Variants in EPGN observed in about 807,000 individuals in gnomAD.
EPGN encodes the protein epigen.
EPGN carries 21 observed loss-of-function variants against 20.7 expected under a neutral mutation model. That is an observed-to-expected ratio of 1.01 (90% CI 0.72 to 1.46). The LOEUF is 1.46. Ranked by LOEUF, EPGN falls within the 40% of genes most tolerant of loss-of-function variation. The pLI is 0.00. For synonymous variants in EPGN, 69 were observed against 63.8 expected (o/e 1.08, Z -0.39); for missense variants, 199 against 180.7 (o/e 1.10, Z -0.58).
rs1416362375 is a variant in EPGN, at chr4:74,316,255, G to A, written c.*1618G>A. On this transcript the variant is annotated 3_prime_UTR_variant, in exon 5 of 5. Transcript: ENST00000413830. ...GTTTGTAAAATAATAATTTATTTTTGAAGGAAATATAAAATATTAAAGAGT... is the reference window on the plus strand; with the variant it reads ...GTTTGTAAAATAATAATTTATTTTTAAAGGAAATATAAAATATTAAAGAGT... 6.6e-6 allele frequency among the ~76,000 whole-genome samples: 1 copy of A among 152,042 alleles called. No individual in the cohort carries two copies. The highest frequency in any genetic ancestry group is 2.4e-5 in the African/African-American group (1 of 41,390).
chr4:74,311,095 T>G lies in EPGN; in HGVS notation c.134-1090T>G, dbSNP rs181802658. Among the ~76,000 whole-genome samples the G allele has an allele frequency of 2.0e-5, 3 of 152,322 alleles. No homozygotes were observed. The East Asian group carries it at 5.8e-4, about 29-fold the overall frequency. ...TCAATCTAGTATCTTAGAAAAATTT[T>G]TATAAAGTTATGATCATTCTCATTC... On this transcript the variant is annotated intron_variant, in intron 2 of 4. Coordinates refer to ENST00000413830, the MANE Select transcript of EPGN (RefSeq NM_001270989.2).
rs1751256814 is a variant in EPGN at position 74,316,040 on chromosome 4, T to C, written c.*1403T>C. ...AGTCATATGCAGGTCGCTTAATTTA[T>C]TTGTGCTTTTGTTTCATCTTCTACA... is the stretch of plus-strand genomic sequence containing the variant. On this transcript the variant is annotated 3_prime_UTR_variant, in exon 5 of 5. Coordinates refer to ENST00000413830, the MANE Select transcript of EPGN (RefSeq NM_001270989.2). Among the ~76,000 whole-genome samples, 1 of 152,128 alleles carries C rather than the reference T, an allele frequency of 6.6e-6. No homozygotes were observed. The highest frequency in any genetic ancestry group is 1.5e-5 in the Non-Finnish European group (1 of 68,036).
Position 74,314,619 on chromosome 4 carries a change from A to C in EPGN, c.447A>C (p.Gly149=). Residue 149 remains glycine (G), a synonymous_variant, in exon 5 of 5, where the codon GGA becomes GGC. Transcript: ENST00000413830. ...AATCGCCTTACAATGTCTGTTCTGG[A>C]GAAAGACGACCACTGTGAGGCCTTT... ...KLKSPYNVCS[G]ERRPL The C allele has an allele frequency of 1.3e-6, 2 of 1,536,040 alleles. No individual in the cohort carries two copies. The highest frequency in any genetic ancestry group is 1.7e-6 in the Non-Finnish European group (2 of 1,146,808).
chr4:74,309,895 C>T (rs1317503452), intron 2 of EPGN, among the ~76,000 whole-genome samples: 1 of 152,128 alleles, frequency 6.6e-6, no homozygotes, highest in African/African-American at 2.4e-5. Context: ...TATGTGAAGG[C>T]TGGCAATTTG....
intron 2 of EPGN, 69 bp downstream of exon 2, chr4:74,309,251 T>TA: frequency 1.6e-6 from 2 of 1,278,428 alleles, no homozygotes; most frequent in Non-Finnish European, 2.2e-6. Flanking sequence ...TGGATTGTGA[T>TA]AAAAGCAATA....
At position 74,315,901 on chromosome 4, in the gene EPGN, G is replaced by A. The variant is rs1286396029; in HGVS notation, c.*1264G>A. 6.7e-6 allele frequency among the ~76,000 whole-genome samples: 1 copy of A among 149,864 alleles called. No homozygotes were observed. On this transcript the variant is annotated 3_prime_UTR_variant, in exon 5 of 5. Coordinates refer to ENST00000413830, the MANE Select transcript of EPGN (RefSeq NM_001270989.2). ...CAGGAGGCAGAGGTTGTAGTGAGCCGAGATGGCAACCCTGCACTCCAACCT... is the reference window on the plus strand; with the variant it reads ...CAGGAGGCAGAGGTTGTAGTGAGCCAAGATGGCAACCCTGCACTCCAACCT...
intron 4 of EPGN, 181 bp downstream of exon 4, chr4:74,313,351 G>A (rs1365744863): frequency 2.2e-6 from 3 of 1,391,020 alleles, no homozygotes; most frequent in East Asian, 2.7e-5. Context: ...CCAGACGAGT[G>A]GTAAAAATTT....
intron 2 of EPGN, 144 bp downstream of exon 2, chr4:74,309,326 T>C (rs930444888): frequency 6.9e-5 from 41 of 591,804 alleles, no homozygotes; most frequent in South Asian, 1.3e-4. Flanking sequence ...TGCTGTTAAA[T>C]TGAAGTGACA....
intron 2 of EPGN, among the ~76,000 whole-genome samples, chr4:74,310,461 CAAAAAA>C (rs10586282): frequency 6.9e-5 from 3 of 43,190 alleles, no homozygotes; most frequent in South Asian, 8.1e-4. Context: ...GAGTCCGTCT[CAAAAAA>C]AAAAAAAAAA....
chr4:74,313,182 A>T lies in EPGN; in HGVS notation c.407+12A>T. On this transcript the variant is annotated intron_variant, in intron 4 of 4. Transcript: ENST00000413830. Reference sequence around the variant, plus strand: ...TATATAAGAAAGAGGTATGAAAAAGACAAAATATGAAGTCACTTCATATGC... The same window carrying T: ...TATATAAGAAAGAGGTATGAAAAAGTCAAAATATGAAGTCACTTCATATGC... 1 of 1,607,544 alleles carries T rather than the reference A, an allele frequency of 6.2e-7. No individual in the cohort carries two copies. The highest frequency in any genetic ancestry group is 8.5e-7 in the Non-Finnish European group (1 of 1,178,604).
Position 74,314,726 on chromosome 4 carries a change from A to G in EPGN, c.*89A>G, listed in dbSNP as rs960234137. On this transcript the variant is annotated 3_prime_UTR_variant, in exon 5 of 5. Transcript: ENST00000413830. ...TCAGATGAAACAACAAAACTTGTCA[A>G]GCTGACTAGACTCGAAAATAATGAA... The G allele has an allele frequency of 5.2e-6, 6 of 1,154,462 alleles. No homozygotes were observed. Among genetic ancestry groups the G allele is most frequent in the South Asian group, 1.4e-5 (1 of 72,478 alleles). The allele number at this position is 1,154,462 out of a possible 1,614,324, so 71.5% of individuals were successfully genotyped here. A position where few individuals can be genotyped will look rare whatever the true frequency, so the allele number is the denominator to read the frequency against.
chr4:74,313,136 T>C lies in EPGN; in HGVS notation c.373T>C (p.Phe125Leu). ...TGGTGTTGGATTACTATTAAGTGGTTTTCTTGTTATTTTTTACTGCTATAT... is the reference window on the plus strand; with the variant it reads ...TGGTGTTGGATTACTATTAAGTGGTCTTCTTGTTATTTTTTACTGCTATAT... ...GIGVGLLLSG[F>L]LVIFYCYIRK... The change falls in exon 4 of 5, where the codon TTT (phenylalanine) becomes CTT (leucine). Residue 125 changes from phenylalanine to leucine, a missense_variant. By Grantham distance (22) the Phe-to-Leu change is conservative. Coordinates refer to ENST00000413830, the MANE Select transcript of EPGN (RefSeq NM_001270989.2). 1 of 1,612,080 alleles carries C rather than the reference T, an allele frequency of 6.2e-7. No individual in the cohort carries two copies. The highest frequency in any genetic ancestry group is 1.1e-5 in the South Asian group (1 of 90,444).
At chr4:74,312,081 C>T in intron 2 of EPGN, 104 bp from the exon 3 acceptor site, 5 of 1,312,306 alleles carry the variant, frequency 3.8e-6, no homozygotes, top group Non-Finnish European at 5.1e-6. Flanking sequence ...ACAGCACCAC[C>T]CCCAAATATC....
intron 2 of EPGN, among the ~76,000 whole-genome samples, chr4:74,311,873 T>C (rs1750977868): frequency 6.6e-6 from 1 of 152,224 alleles, no homozygotes; most frequent in South Asian, 2.1e-4. Context: ...CAAAATAACC[T>C]GCTAAGACTA....
Position 74,309,142 on chromosome 4 carries a change from C to T in EPGN, c.93C>T (p.Ile31=), listed in dbSNP as rs775051098. 4.3e-6 allele frequency: 7 copies of T among 1,613,664 alleles called. No homozygotes were observed. Among genetic ancestry groups the T allele is most frequent in the Non-Finnish European group, 5.9e-6 (7 of 1,179,678 alleles). ...EEAAVTVTPP[I]TAQQGNWTVN... The stretch of plus-strand genomic sequence containing the variant: ...CAGCCGTGACTGTAACACCTCCAAT[C>T]ACAGCCCAGCAAGGTAACTGGACAG... The change falls in exon 2 of 5, where the codon ATC becomes ATT. Residue 31 remains isoleucine (I), a synonymous_variant. Transcript: ENST00000413830.
intron 4 of EPGN, 35 bp from the exon 5 acceptor site, chr4:74,314,545 G>A: frequency 3.3e-6 from 5 of 1,531,714 alleles, no homozygotes; most frequent in Non-Finnish European, 4.4e-6. Context: ...ATGAACCACA[G>A]TCAAATTCAT....
In EPGN at chr4:74,315,935, A is replaced by G. The variant is rs1287032172; in HGVS notation, c.*1298A>G. ...ACCCTGCACTCCAACCTGGGTGACA[A>G]GAGCGAAACTCCATCTCAAAAAAAA... On this transcript the variant is annotated 3_prime_UTR_variant, in exon 5 of 5. Transcript: ENST00000413830. Among the ~76,000 whole-genome samples, 2 of 150,188 alleles carry G rather than the reference A, an allele frequency of 1.3e-5. No homozygotes were observed. The highest frequency in any genetic ancestry group is 2.9e-5 in the Non-Finnish European group (2 of 67,802).
intron 4 of EPGN, chr4:74,313,697 A>T: frequency 1.2e-6 from 1 of 837,314 alleles, no homozygotes; most frequent in Non-Finnish European, 1.4e-6. Flanking sequence ...ATCACAAATA[A>T]TTGTAATTAT....
Position 74,314,855 on chromosome 4 carries a change from C to T in EPGN, c.*218C>T. On this transcript the variant is annotated 3_prime_UTR_variant, in exon 5 of 5. Coordinates refer to ENST00000413830, the MANE Select transcript of EPGN (RefSeq NM_001270989.2). ...GCCAAGTGAACAAGCCTCAGTGACACAAGTCAAATTCATAGTTTCACTCTG... is the reference window on the plus strand; with the variant it reads ...GCCAAGTGAACAAGCCTCAGTGACATAAGTCAAATTCATAGTTTCACTCTG... The T allele has an allele frequency of 1.8e-6, 1 of 552,602 alleles. No homozygotes were observed. The highest frequency in any genetic ancestry group is 2.4e-5 in the South Asian group (1 of 42,402). 34.2% of individuals were successfully genotyped at this position (552,602 alleles called of 1,614,324 possible). A position where few individuals can be genotyped will look rare whatever the true frequency, so the allele number is the denominator to read the frequency against.
Sources: allele counts gnomAD v4.1 joint callset (sites outside exome capture counted in the v4.1 genomes callset), GRCh38; gene constraint gnomAD v4.1.1; transcripts MANE v1.5; gene names NCBI Gene and HGNC (gene_info 2026-07-23, HGNC 2026-07-21).